The following NRG3 variants were observed in gnomAD, a reference collection of about 807,000 sequenced individuals.
NRG3 encodes the protein neuregulin 3, also known as pro-neuregulin-3, membrane-bound isoform.
In NRG3, 31 loss-of-function variants were observed where a neutral mutation model predicts 66.9. That is an observed-to-expected ratio of 0.46 (90% confidence interval 0.35 to 0.63). The LOEUF is 0.63. NRG3 is among the 20% of genes least tolerant of loss of function. NRG3 has a pLI of 0.00. For synonymous variants in NRG3, 393 were observed against 359.4 expected, an observed-to-expected ratio of 1.09 and a Z score of -1.06; for missense variants, 910 against 878.9, an observed-to-expected ratio of 1.04 and a Z score of -0.45.
chr10:82,317,891 G>A (rs1309998502), intron 1 of NRG3, among the ~76,000 whole-genome samples: 1 of 151,846 alleles, frequency 6.6e-6, no homozygotes, highest in East Asian at 1.9e-4. Context: ...TAAGAGGAAG[G>A]CAGGGAAAAA....
chr10:81,878,388 A>G (rs191036344), intron 1 of NRG3, among the ~76,000 whole-genome samples: 2 of 152,216 alleles, frequency 1.3e-5, no homozygotes, highest in African/African-American at 4.8e-5. Flanking sequence ...AAACAAGGGA[A>G]ATTTTAAGGA....
chr10:82,657,653 A>G (rs916353927), intron 2 of NRG3, among the ~76,000 whole-genome samples: 2 of 146,300 alleles, frequency 1.4e-5, no homozygotes, highest in East Asian at 2.0e-4. Flanking sequence ...AGAAAAAAGG[A>G]AAAAAAAAAC....
Position 82,466,728 on chromosome 10 carries a change from T to C in NRG3, c.953+107860T>C, listed in dbSNP as rs1590227323. 6.6e-5 allele frequency among the ~76,000 whole-genome samples: 10 copies of C among 151,936 alleles called. 4 individuals are homozygous for C. The highest frequency in any genetic ancestry group is 6.6e-4 in the Admixed American group (10 of 15,252). On this transcript the variant is annotated intron_variant, in intron 2 of 8. Transcript: ENST00000372141. ...GTACCCAAGAAATTAGACAGACATGTGCTGCTGAGAATAGGGTGAATGGAA... is the reference window on the plus strand; with the variant it reads ...GTACCCAAGAAATTAGACAGACATGCGCTGCTGAGAATAGGGTGAATGGAA...
At chr10:81,944,217 G>A (rs373537622) in intron 1 of NRG3, among the ~76,000 whole-genome samples, 41 of 152,326 alleles carry the variant, frequency 2.7e-4, no homozygotes, top group African/African-American at 7.9e-4. Context: ...AAGGGCAAGC[G>A]TCAGAAGAGA....
At chr10:82,491,439 C>T (rs1254275553) in intron 2 of NRG3, among the ~76,000 whole-genome samples, 6 of 150,936 alleles carry the variant, frequency 4.0e-5, no homozygotes, top group African/African-American at 1.5e-4. Context: ...GGTCTTTTTA[C>T]CACTAGTGTA....
intron 1 of NRG3, among the ~76,000 whole-genome samples, chr10:81,884,457 A>G (rs1366351965): frequency 6.6e-6 from 1 of 152,206 alleles, no homozygotes; most frequent in Middle Eastern, 3.2e-3. Context: ...TGTAATTGAT[A>G]TGCAATGTGC....
At chr10:82,185,283 G>T (rs142544386) in intron 1 of NRG3, among the ~76,000 whole-genome samples, 1 of 152,268 alleles carries the variant, frequency 6.6e-6, no homozygotes, top group Non-Finnish European at 1.5e-5. Flanking sequence ...AATGTAAGAT[G>T]CTAGACTATC....
At chr10:82,599,370 G>A (rs1392952590) in intron 2 of NRG3, among the ~76,000 whole-genome samples, 1 of 152,166 alleles carries the variant, frequency 6.6e-6, no homozygotes, top group Admixed American at 6.5e-5. Context: ...CATTAGCAGA[G>A]AGGAGACCAA....
intron 2 of NRG3, among the ~76,000 whole-genome samples, chr10:82,561,401 C>T (rs10884935): frequency 0.089 from 13,521 of 152,204 alleles, 1,187 homozygotes; most frequent in African/African-American, 0.22. Context: ...CCTGTAATCC[C>T]AGCTCTCTGG....
intron 1 of NRG3, among the ~76,000 whole-genome samples, chr10:82,279,917 C>T (rs547014372): frequency 6.6e-6 from 1 of 152,132 alleles, no homozygotes; most frequent in Non-Finnish European, 1.5e-5. Flanking sequence ...ATATAGTGAA[C>T]AAATACTTAG....
At chr10:82,217,055 T>C (rs2075727380) in intron 1 of NRG3, among the ~76,000 whole-genome samples, 1 of 152,224 alleles carries the variant, frequency 6.6e-6, no homozygotes. Flanking sequence ...AAGAAAGAAG[T>C]TAATTAGCAT....
Position 81,875,471 on chromosome 10 carries a change from G to C in NRG3, c.131G>C (p.Gly44Ala). The C allele has an allele frequency of 7.8e-7, 1 of 1,289,334 alleles. No individual in the cohort carries two copies. The highest frequency in any genetic ancestry group is 9.9e-7 in the Non-Finnish European group (1 of 1,013,842). The allele number at this position is 1,289,334 out of a possible 1,614,324, so 79.9% of individuals were successfully genotyped here. A position where few individuals can be genotyped will look rare whatever the true frequency, so the allele number is the denominator to read the frequency against. The change falls in exon 1 of 9, where the codon GGG becomes GCG. Residue 44 changes from glycine to alanine, a missense_variant. Physicochemically the swap from Gly to Ala is moderately conservative, Grantham distance 60. Transcript: ENST00000372141. This position sits in a 1 kb window ranked among gnomAD's most constrained non-coding sequence, Gnocchi z 5.3. The stretch of plus-strand genomic sequence containing the variant: ...GGGGGCCCGGACGGCGGCGGCGAAG[G>C]GGCGGCCGAGCCCCCCCGGGAGTTA... ...AGGGPDGGGE[G>A]AAEPPRELRC...
At chr10:82,515,945 C>T (rs976298580) in intron 2 of NRG3, among the ~76,000 whole-genome samples, 6 of 152,276 alleles carry the variant, frequency 3.9e-5, no homozygotes, top group African/African-American at 1.2e-4. Context: ...GCTGATCATG[C>T]GTGCTTTCAG....
chr10:82,341,608 T>C (rs1445552279), intron 1 of NRG3, among the ~76,000 whole-genome samples: 3 of 152,128 alleles, frequency 2.0e-5, no homozygotes, highest in Non-Finnish European at 4.4e-5. Flanking sequence ...ATATCTGTTT[T>C]ATTTTTATAG....
intron 1 of NRG3, among the ~76,000 whole-genome samples, chr10:82,252,184 A>G (rs2077516376): frequency 6.6e-6 from 1 of 152,210 alleles, no homozygotes; most frequent in African/African-American, 2.4e-5. Flanking sequence ...GTTCTTGCTG[A>G]AAAATTATTT....
intron 2 of NRG3, among the ~76,000 whole-genome samples, chr10:82,469,009 C>T (rs1840968106): frequency 1.3e-5 from 2 of 152,144 alleles, no homozygotes; most frequent in Non-Finnish European, 2.9e-5. Context: ...AAGATAAGCT[C>T]CCAGTCAGCT....
rs543638376 is a variant in NRG3 at position 82,199,239 on chromosome 10, A to G, written c.824-159500A>G. Among the ~76,000 whole-genome samples, 154 of 152,058 alleles carry G rather than the reference A, an allele frequency of 1.0e-3. 1 individual carries two copies. Among genetic ancestry groups the G allele is most frequent in the Middle Eastern group, 3.4e-3 (1 of 294 alleles). ...CAATAACTAAGAGTATATACTAATT[A>G]TTTAATTCATTAATCAATTTGTTCA... On this transcript the variant is annotated intron_variant, in intron 1 of 8. Transcript: ENST00000372141.
rs1416237938 is a variant in NRG3 at position 82,784,346 on chromosome 10, A to T, written c.1027+45696A>T. On this transcript the variant is annotated intron_variant, in intron 3 of 8. Coordinates refer to ENST00000372141, the MANE Select transcript of NRG3 (RefSeq NM_001010848.4). ...CCAAAAGCAATGGCAACAAAAGCCA[A>T]AATTGACAAATGGGATCTAATTAAA... Among the ~76,000 whole-genome samples the T allele has an allele frequency of 7.0e-3, 1,057 of 150,714 alleles. 11 individuals carry two copies. The highest frequency in any genetic ancestry group is 0.025 in the African/African-American group (1,011 of 41,214).
intron 2 of NRG3, among the ~76,000 whole-genome samples, chr10:82,561,768 C>G (rs1316054709): frequency 1.3e-5 from 2 of 152,168 alleles, no homozygotes; most frequent in African/African-American, 4.8e-5. Flanking sequence ...ACCATATTCT[C>G]TGTCTCATGC....
Sources: allele counts gnomAD v4.1 joint callset (sites outside exome capture counted in the v4.1 genomes callset), GRCh38; gene constraint gnomAD v4.1.1; non-coding constraint Gnocchi (gnomAD v3.1); transcripts MANE v1.5; gene names NCBI Gene and HGNC (gene_info 2026-07-23, HGNC 2026-07-21).